Variants in CEP83 observed in about 807,000 individuals in gnomAD.
The protein encoded by CEP83 is centrosomal protein of 83 kDa.
CEP83 carries 70 observed loss-of-function variants against 101.9 expected under a neutral mutation model. The observed-to-expected ratio is 0.69, with a 90% CI of 0.57 to 0.84. CEP83 has a LOEUF of 0.84. Ranked by LOEUF, CEP83 falls within the 40% of genes least tolerant of loss-of-function variation. The pLI, the probability that CEP83 is intolerant of heterozygous loss-of-function variation, is 0.00. For missense variants in CEP83, 715 were observed against 787.2 expected (o/e 0.91, Z 1.10); for synonymous variants, 264 against 267.9 (o/e 0.99, Z 0.14).
intron 7 of CEP83, among the ~76,000 whole-genome samples, chr12:94,377,928 T>A (rs982210567): frequency 6.6e-6 from 1 of 152,120 alleles, no homozygotes; most frequent in Non-Finnish European, 1.5e-5. Context: ...CAGAGCGTCA[T>A]GTAACAAAAT....
downstream of CEP83, among the ~76,000 whole-genome samples, chr12:94,301,709 ACCTGGAATGAATGGAGACTGATGTT>A (rs566783442): frequency 6.5e-3 from 991 of 152,328 alleles, 14 homozygotes; most frequent in African/African-American, 0.023. Flanking sequence ...CTTTAAGAGT[ACCTGGAATGAATGGAGACTGATGTT>A]CCACAGGTGC....
chr12:94,373,418 A>G (rs1161626850), intron 8 of CEP83, among the ~76,000 whole-genome samples: 1 of 152,198 alleles, frequency 6.6e-6, no homozygotes, highest in Non-Finnish European at 1.5e-5. Context: ...GCACAGCATA[A>G]ATAAGCAAGA....
intron 14 of CEP83, among the ~76,000 whole-genome samples, chr12:94,314,905 A>G (rs1970423064): frequency 1.3e-5 from 2 of 152,294 alleles, no homozygotes; most frequent in South Asian, 4.1e-4. Context: ...CATTTTATCT[A>G]TATGACTAAG....
chr12:94,378,679 T>C (rs939553960), intron 7 of CEP83, 112 bp downstream of exon 7: 2 of 1,137,540 alleles, frequency 1.8e-6, no homozygotes, highest in African/African-American at 1.6e-5. Flanking sequence ...ATTACACAAA[T>C]GCATCAGCAT....
At chr12:94,442,797 C>G (rs1363961193) in intron 1 of CEP83, among the ~76,000 whole-genome samples, 2 of 152,122 alleles carry the variant, frequency 1.3e-5, no homozygotes, top group East Asian at 3.9e-4. Flanking sequence ...CACTATCCTC[C>G]TCTCATTTCC....
At chr12:94,439,637 A>G (rs901768361) in intron 1 of CEP83, among the ~76,000 whole-genome samples, 2 of 152,128 alleles carry the variant, frequency 1.3e-5, no homozygotes, top group Admixed American at 6.5e-5. Context: ...TATGAATCCT[A>G]CTGAAGCTAT....
the CEP83 span, among the ~76,000 whole-genome samples, chr12:94,277,598 G>A: frequency 2.0e-5 from 3 of 152,110 alleles, no homozygotes; most frequent in African/African-American, 4.8e-5. Flanking sequence ...GCTGGCTTGC[G>A]GTGGACTGGG....
intron 2 of CEP83, among the ~76,000 whole-genome samples, chr12:94,418,079 C>T (rs2064424674): frequency 6.6e-6 from 1 of 151,948 alleles, no homozygotes. Context: ...CTGAAAAATA[C>T]GGCTAAGCCT....
intron 11 of CEP83, among the ~76,000 whole-genome samples, chr12:94,356,574 T>A (rs1204279200): frequency 6.6e-6 from 1 of 152,328 alleles, no homozygotes; most frequent in South Asian, 2.1e-4. Context: ...CAGTTCCCTG[T>A]TAGAATACAT....
At chr12:94,320,398 G>T (rs541642552) in intron 14 of CEP83, among the ~76,000 whole-genome samples, 17 of 152,144 alleles carry the variant, frequency 1.1e-4, no homozygotes, top group African/African-American at 4.1e-4. Flanking sequence ...TTGTTAGCTG[G>T]TTATTAGGCT....
rs139291913 is a variant in CEP83 at position 94,316,679 on chromosome 12, G to A, written c.1708-3662C>T. Reference sequence around the variant, plus strand: ...ATGACAATGAAAACATGCAGTATTCGGTTTTCCTTTTTTGTGTTAGTTTGC... The same window carrying A: ...ATGACAATGAAAACATGCAGTATTCAGTTTTCCTTTTTTGTGTTAGTTTGC... On this transcript the variant is annotated intron_variant, in intron 14 of 16. Transcript: ENST00000397809. Among the ~76,000 whole-genome samples the A allele has an allele frequency of 4.6e-3, 704 of 152,066 alleles. 3 individuals carry two copies. Among genetic ancestry groups the A allele is most frequent in the Non-Finnish European group, 7.4e-3 (501 of 67,968 alleles).
chr12:94,310,884 CTAAAACTCTG>C (rs1313899031), intron 15 of CEP83, among the ~76,000 whole-genome samples: 1 of 152,118 alleles, frequency 6.6e-6, no homozygotes, highest in Non-Finnish European at 1.5e-5. Context: ...CACACAGCTC[CTAAAACTCTG>C]GGAAACTCTG....
chr12:94,364,211 T>C (rs2060912986), intron 11 of CEP83, among the ~76,000 whole-genome samples: 1 of 152,162 alleles, frequency 6.6e-6, no homozygotes, highest in Non-Finnish European at 1.5e-5. Context: ...ATGAATGTAT[T>C]CAATACCACT....
chr12:94,348,849 A>G (rs1007657623), intron 11 of CEP83, among the ~76,000 whole-genome samples: 1 of 152,204 alleles, frequency 6.6e-6, no homozygotes, highest in South Asian at 2.1e-4. Context: ...TCAAAAGTGG[A>G]ACGAACTGCA....
chr12:94,324,131 C>T (rs2058865952), intron 14 of CEP83, among the ~76,000 whole-genome samples: 1 of 152,070 alleles, frequency 6.6e-6, no homozygotes, highest in Admixed American at 6.6e-5. Flanking sequence ...TATATTGATT[C>T]TATCAGGTTC....
the CEP83 span, among the ~76,000 whole-genome samples, chr12:94,283,793 C>T: frequency 6.6e-6 from 1 of 152,162 alleles, no homozygotes; most frequent in Non-Finnish European, 1.5e-5. Flanking sequence ...CCATCAAGAG[C>T]AGGGTCTGGG....
At chr12:94,421,407 A>C (rs1231129102) in intron 2 of CEP83, among the ~76,000 whole-genome samples, 1 of 152,126 alleles carries the variant, frequency 6.6e-6, no homozygotes, top group Non-Finnish European at 1.5e-5. Flanking sequence ...AGAGTAATTC[A>C]AAAATTGGGC....
the CEP83 span, among the ~76,000 whole-genome samples, chr12:94,266,209 G>A: frequency 7.2e-5 from 11 of 152,194 alleles, no homozygotes; most frequent in South Asian, 4.1e-4. Context: ...GCCGTGGAGC[G>A]TGTTATGGTT....
chr12:94,426,332 C>T (rs996825953), intron 2 of CEP83, among the ~76,000 whole-genome samples: 3 of 152,022 alleles, frequency 2.0e-5, no homozygotes, highest in African/African-American at 7.3e-5. Context: ...TGCATTACTT[C>T]CTCCATGAAG....
Sources: gnomAD v4.1 joint callset for allele counts (sites outside exome capture counted in the v4.1 genomes callset) on GRCh38, gnomAD v4.1.1 for gene constraint, MANE v1.5 for transcripts, NCBI Gene and HGNC (gene_info 2026-07-23, HGNC 2026-07-21) for gene names.